The following RASGRP3 variants were observed in gnomAD, a reference collection of about 807,000 sequenced individuals.
RASGRP3 encodes the protein ras guanyl-releasing protein 3.
In RASGRP3, 54 loss-of-function variants were observed where a neutral mutation model predicts 82.7. The ratio of observed to expected loss-of-function variants is 0.65; its 90% CI spans 0.52 to 0.82. The LOEUF is 0.82. RASGRP3 is among the 40% of genes least tolerant of loss of function. The pLI, the probability that RASGRP3 is intolerant of heterozygous loss-of-function variation, is 0.00. For missense variants in RASGRP3, 861 were observed against 828.9 expected (o/e 1.04, Z -0.48); for synonymous variants, 309 against 300.5 (o/e 1.03, Z -0.29).
intron 1 of RASGRP3, among the ~76,000 whole-genome samples, chr2:33,478,985 A>T (rs1001144066): frequency 6.6e-6 from 1 of 152,174 alleles, no homozygotes; most frequent in Non-Finnish European, 1.5e-5. Context: ...GACAGGAGGG[A>T]CACCCTTAGT....
intron 2 of RASGRP3, among the ~76,000 whole-genome samples, chr2:33,512,518 T>G (rs984919398): frequency 5.4e-4 from 82 of 152,356 alleles, no homozygotes; most frequent in African/African-American, 1.5e-3. Flanking sequence ...TGCCCCAGAA[T>G]GTCTTGGAAA....
At chr2:33,539,767 G>C (rs896458541) in intron 12 of RASGRP3, 1 of 152,192 alleles carries the variant, frequency 6.6e-6, no homozygotes, top group South Asian at 2.1e-4. Flanking sequence ...TTGGGAGGCC[G>C]AGGCGGGCGG....
chr2:33,483,261 C>T (rs1668090855), intron 1 of RASGRP3, among the ~76,000 whole-genome samples: 1 of 151,960 alleles, frequency 6.6e-6, no homozygotes, highest in Non-Finnish European at 1.5e-5. Context: ...CAAATGCTGC[C>T]TTATCTTTGT....
intron 15 of RASGRP3, among the ~76,000 whole-genome samples, chr2:33,556,931 AATTT>A (rs1676047184): frequency 6.6e-6 from 1 of 151,062 alleles, no homozygotes; most frequent in African/African-American, 2.4e-5. Flanking sequence ...ACACACACGC[AATTT>A]TATAAAGATG....
intron 1 of RASGRP3, among the ~76,000 whole-genome samples, chr2:33,507,405 G>A (rs959045437): frequency 6.6e-6 from 1 of 152,132 alleles, no homozygotes; most frequent in African/African-American, 2.4e-5. Flanking sequence ...TGAGAGCACT[G>A]GAGAGTGTGA....
chr2:33,537,691 GA>G (rs1397680155), intron 11 of RASGRP3, among the ~76,000 whole-genome samples: 1 of 152,008 alleles, frequency 6.6e-6, no homozygotes, highest in Non-Finnish European at 1.5e-5. Flanking sequence ...AGAAAAGATA[GA>G]AAAAAATAGA....
chr2:33,487,574 C>T (rs1558434152), intron 1 of RASGRP3, among the ~76,000 whole-genome samples: 1 of 152,172 alleles, frequency 6.6e-6, no homozygotes, highest in Non-Finnish European at 1.5e-5. Context: ...CCTGGTTCAG[C>T]ATTATACAGA....
intron 1 of RASGRP3, among the ~76,000 whole-genome samples, chr2:33,495,504 A>G (rs1050104830): frequency 1.3e-5 from 2 of 152,096 alleles, no homozygotes; most frequent in Non-Finnish European, 2.9e-5. Flanking sequence ...CTAACAGGCC[A>G]TGGACCAGGC....
chr2:33,485,616 G>A (rs1668304371), intron 1 of RASGRP3, among the ~76,000 whole-genome samples: 2 of 152,172 alleles, frequency 1.3e-5, no homozygotes, highest in African/African-American at 4.8e-5. Flanking sequence ...TATAAGAAGT[G>A]ACATAATATT....
At chr2:33,480,278 G>C (rs1667775612) in intron 1 of RASGRP3, among the ~76,000 whole-genome samples, 2 of 152,146 alleles carry the variant, frequency 1.3e-5, no homozygotes, top group Admixed American at 6.5e-5. Context: ...CTCCTGACCT[G>C]GTGATCCACC....
chr2:33,484,170 T>C (rs2150945074), intron 1 of RASGRP3, among the ~76,000 whole-genome samples: 1 of 152,324 alleles, frequency 6.6e-6, no homozygotes, highest in East Asian at 1.9e-4. Flanking sequence ...CCTAGGAATG[T>C]GCACACATGG....
intron 1 of RASGRP3, among the ~76,000 whole-genome samples, chr2:33,492,204 TC>T (rs1668909230): frequency 6.6e-6 from 1 of 152,208 alleles, no homozygotes; most frequent in Non-Finnish European, 1.5e-5. Flanking sequence ...AAAAATGACA[TC>T]GAGTGGTAGA....
intron 1 of RASGRP3, among the ~76,000 whole-genome samples, chr2:33,500,711 G>A (rs999946814): frequency 1.3e-5 from 2 of 152,152 alleles, no homozygotes; most frequent in African/African-American, 2.4e-5. Flanking sequence ...CGAGGCAGGC[G>A]GATCACAAGG....
At chr2:33,514,505 CAAAAAAA>C (rs3083005) in intron 2 of RASGRP3, among the ~76,000 whole-genome samples, 42 of 60,666 alleles carry the variant, frequency 6.9e-4, no homozygotes, top group African/African-American at 3.1e-3. Context: ...CCCATCTCTA[CAAAAAAA>C]AAAAAAAAAA....
intron 2 of RASGRP3, among the ~76,000 whole-genome samples, chr2:33,460,095 A>T (rs2150897104): frequency 6.6e-6 from 1 of 152,360 alleles, no homozygotes; most frequent in East Asian, 1.9e-4. Context: ...ATGTACCAGG[A>T]TGTTTAGTGC....
At chr2:33,549,800 C>T in intron 14 of RASGRP3, 49 bp downstream of exon 14, 1 of 1,554,352 alleles carries the variant, frequency 6.4e-7, no homozygotes. Context: ...ATTTGTGTGG[C>T]ATTCTGAAAA....
chr2:33,437,226 G>A lies in RASGRP3; in HGVS notation c.-385+635G>A, dbSNP rs761255126. ...TTTAAATTATTATTTCCAAACATTC[G>A]TTCATTATGTTTTGAGTACCTTGAA... On this transcript the variant is annotated intron_variant, in intron 1 of 18. Transcript: ENST00000402538. Among the ~76,000 whole-genome samples, 7 of 152,056 alleles carry A rather than the reference G, an allele frequency of 4.6e-5. No homozygotes were observed. The South Asian group carries it at 6.2e-4, about 14-fold the overall frequency.
intron 1 of RASGRP3, among the ~76,000 whole-genome samples, chr2:33,494,018 T>G (rs1371682563): frequency 1.3e-5 from 2 of 152,214 alleles, no homozygotes; most frequent in Admixed American, 1.3e-4. Context: ...GACCCCAGTA[T>G]GAGTCTGGAT....
chr2:33,526,908 T>C (rs1574425720), intron 9 of RASGRP3, among the ~76,000 whole-genome samples: 1 of 152,334 alleles, frequency 6.6e-6, no homozygotes, highest in Non-Finnish European at 1.5e-5. Context: ...TAGGCAGACA[T>C]GTAGGCTATT....
Sources: gnomAD v4.1 joint callset for allele counts (sites outside exome capture counted in the v4.1 genomes callset) on GRCh38, gnomAD v4.1.1 for gene constraint, MANE v1.5 for transcripts, NCBI Gene and HGNC (gene_info 2026-07-23, HGNC 2026-07-21) for gene names.